The following RUNX1T1 variants were observed in gnomAD, a reference collection of about 807,000 sequenced individuals.
RUNX1T1 encodes RUNX1 partner transcriptional co-repressor 1, also known as protein CBFA2T1.
RUNX1T1 carries 4 observed loss-of-function variants against 62.8 expected under a neutral mutation model. The observed-to-expected ratio is 0.06, with a 90% CI of 0.03 to 0.15. The LOEUF is 0.15. Ranked by LOEUF, RUNX1T1 falls within the 10% of genes least tolerant of loss-of-function variation. The pLI, the probability that RUNX1T1 is intolerant of heterozygous loss-of-function variation, is 1.00. For synonymous variants in RUNX1T1, 291 were observed against 286.0 expected (o/e 1.02, Z -0.18); for missense variants, 508 against 754.3 (o/e 0.67, Z 3.82).
intron 2 of RUNX1T1, among the ~76,000 whole-genome samples, chr8:92,072,465 T>G (rs1833830809): frequency 6.6e-6 from 1 of 152,064 alleles, no homozygotes. Context: ...AAACAATGAT[T>G]AGAATCATAT....
chr8:91,977,215 T>A (rs978110019), intron 8 of RUNX1T1: 17 of 197,432 alleles, frequency 8.6e-5, no homozygotes, highest in African/African-American at 3.9e-4. Flanking sequence ...TTAGCAAAAA[T>A]TTACTACAGC....
intron 8 of RUNX1T1, chr8:91,980,021 C>A (rs1474803528): frequency 7.0e-6 from 2 of 286,972 alleles, no homozygotes; most frequent in Non-Finnish European, 7.1e-6. Flanking sequence ...TTTATCTTTA[C>A]AAATGCCACT....
rs144418004 is a variant in RUNX1T1 at position 91,979,777 on chromosome 8, G to A, written c.1199-3804C>T. The A allele has an allele frequency of 2.0e-3, 1,035 of 517,140 alleles. 8 individuals are homozygous for A. Among genetic ancestry groups the A allele is most frequent in the African/African-American group, 0.018 (915 of 51,692 alleles). 32.0% of individuals were successfully genotyped at this position (517,140 alleles called of 1,614,324 possible). On this transcript the variant is annotated intron_variant, in intron 8 of 10. Transcript: ENST00000396218. ...GAGATGGAAGATGCACTACACTTACGACAGGATGGAGACCATTGGATACTA... is the reference window on the plus strand; with the variant it reads ...GAGATGGAAGATGCACTACACTTACAACAGGATGGAGACCATTGGATACTA...
chr8:92,017,133 C>A, intron 2 of RUNX1T1, 93 bp downstream of exon 3: 4 of 964,922 alleles, frequency 4.1e-6, no homozygotes, highest in Non-Finnish European at 3.2e-6. Flanking sequence ...TACATTGATG[C>A]TGAATTTTAT....
rs1822619649 is a variant in RUNX1T1, at chr8:92,014,523, T to C, written c.387+56A>G. The C allele has an allele frequency of 4.0e-6, 6 of 1,493,844 alleles. No individual in the cohort carries two copies. In the South Asian group the frequency reaches 6.6e-5, roughly 17 times the overall value. The allele number at this position is 1,493,844 out of a possible 1,614,324, so 92.5% of individuals were successfully genotyped here. ...AGAACGGTGTCTACATGTCTGAGTC[T>C]CCCACCCACACTATCCCTTACACCA... On this transcript the variant is annotated intron_variant, in intron 3 of 10. Transcript: ENST00000396218.
At chr8:92,021,238 A>C (rs931618898) in intron 1 of RUNX1T1, among the ~76,000 whole-genome samples, 1 of 152,210 alleles carries the variant, frequency 6.6e-6, no homozygotes, top group Non-Finnish European at 1.5e-5. Context: ...AGGAAAGAAG[A>C]AGGAAGCTAG....
chr8:92,100,924 G>C (rs1838006685), upstream of RUNX1T1, among the ~76,000 whole-genome samples: 2 of 152,168 alleles, frequency 1.3e-5, no homozygotes, highest in African/African-American at 4.8e-5. Flanking sequence ...TGTGACAGGA[G>C]AAACTGGGCA....
chr8:92,035,766 T>C (rs1827295056), intron 1 of RUNX1T1, among the ~76,000 whole-genome samples: 1 of 142,074 alleles, frequency 7.0e-6, no homozygotes, highest in Non-Finnish European at 1.5e-5. Context: ...GCAGGAAATA[T>C]CTGCATATAT....
chr8:92,012,798 T>C (rs1303393339), intron 3 of RUNX1T1, among the ~76,000 whole-genome samples: 1 of 151,956 alleles, frequency 6.6e-6, no homozygotes, highest in Admixed American at 6.6e-5. Context: ...CTGAGAATTA[T>C]GTAAAATGGC....
chr8:92,017,194 C>T, intron 2 of RUNX1T1, 32 bp downstream of exon 3: 1 of 1,432,286 alleles, frequency 7.0e-7, no homozygotes, highest in South Asian at 1.2e-5. Flanking sequence ...AACTTTAAAA[C>T]TGAAACTCAA....
At chr8:92,023,472 A>T (rs1824519959) in intron 1 of RUNX1T1, among the ~76,000 whole-genome samples, 1 of 152,180 alleles carries the variant, frequency 6.6e-6, no homozygotes, top group African/African-American at 2.4e-5. Context: ...CATGTCCACA[A>T]GAATGTCTGC....
intron 1 of RUNX1T1, among the ~76,000 whole-genome samples, chr8:92,039,312 G>A (rs1828008243): frequency 6.6e-6 from 1 of 151,928 alleles, no homozygotes; most frequent in Admixed American, 6.6e-5. Flanking sequence ...TGGCCCAAAA[G>A]GCTATCTTGA....
At chr8:91,979,773 T>C (rs948307145) in intron 8 of RUNX1T1, 2 of 516,322 alleles carry the variant, frequency 3.9e-6, no homozygotes, top group Non-Finnish European at 7.5e-6. Flanking sequence ...TGCACTACAC[T>C]TACGACAGGA....
At chr8:91,997,349 C>A (rs943850823) in intron 5 of RUNX1T1, among the ~76,000 whole-genome samples, 1 of 151,674 alleles carries the variant, frequency 6.6e-6, no homozygotes, top group Non-Finnish European at 1.5e-5. Context: ...GTTTTTTTCT[C>A]TACATTAACA....
chr8:92,053,575 G>C (rs2130432861), intron 1 of RUNX1T1, among the ~76,000 whole-genome samples: 1 of 152,274 alleles, frequency 6.6e-6, no homozygotes, highest in East Asian at 1.9e-4. Context: ...TTAACATGCA[G>C]CTAGCCACCA....
At chr8:92,094,518 C>A (rs1195610668) in intron 1 of RUNX1T1, among the ~76,000 whole-genome samples, 1 of 151,984 alleles carries the variant, frequency 6.6e-6, no homozygotes, top group South Asian at 2.1e-4. Context: ...CTGAGTTGAG[C>A]CATACTATAA....
intron 5 of RUNX1T1, chr8:92,003,434 A>G (rs1820144994): frequency 2.2e-6 from 1 of 454,470 alleles, no homozygotes; most frequent in African/African-American, 2.0e-5. Context: ...TGTTATGGTT[A>G]TTTAGCAGTT....
chr8:92,005,568 T>A, intron 4 of RUNX1T1: 1 of 412,988 alleles, frequency 2.4e-6, no homozygotes, highest in Non-Finnish European at 4.3e-6. Context: ...ACATTATTTT[T>A]AGGGTCCCTT....
At chr8:91,986,753 CG>C in intron 7 of RUNX1T1, 133 bp downstream of exon 8, 1 of 659,954 alleles carries the variant, frequency 1.5e-6, no homozygotes, top group African/African-American at 1.8e-5. Flanking sequence ...CAGATATTCT[CG>C]CTCATTTTTT....
Sources: allele counts gnomAD v4.1 joint callset (sites outside exome capture counted in the v4.1 genomes callset), GRCh38; gene constraint gnomAD v4.1.1; transcripts MANE v1.5; gene names NCBI Gene and HGNC (gene_info 2026-07-23, HGNC 2026-07-21).